Variants in TTYH2 observed in about 807,000 individuals in gnomAD.
TTYH2 encodes protein tweety homolog 2.
In TTYH2, 49 loss-of-function variants were observed where a neutral mutation model predicts 68.3. The ratio of observed to expected loss-of-function variants is 0.72; its 90% CI spans 0.57 to 0.91. The LOEUF is 0.91. Ranked by LOEUF, TTYH2 falls within the 40% of genes least tolerant of loss-of-function variation. The pLI is 0.00. For missense variants in TTYH2, 631 were observed against 700.4 expected, an observed-to-expected ratio of 0.90 and a Z score of 1.12; for synonymous variants, 272 against 300.8, an observed-to-expected ratio of 0.90 and a Z score of 0.99.
chr17:74,238,938 T>G (rs2050471812), intron 4 of TTYH2, among the ~76,000 whole-genome samples: 1 of 151,926 alleles, frequency 6.6e-6, no homozygotes, highest in African/African-American at 2.4e-5. Flanking sequence ...CTCAAACTCC[T>G]GGCCTCAAGC....
rs549137952 is a variant in TTYH2 at position 74,213,947 on chromosome 17, A to G, written c.129+231A>G. Among the ~76,000 whole-genome samples the G allele has an allele frequency of 1.3e-5, 2 of 152,044 alleles. No individual in the cohort carries two copies. Among genetic ancestry groups the G allele is most frequent in the East Asian group, 3.9e-4 (2 of 5,106 alleles). On this transcript the variant is annotated intron_variant, in intron 1 of 13. Transcript: ENST00000269346. This position sits in a 1 kb window ranked among gnomAD's most constrained non-coding sequence, Gnocchi z 6.1. Reference sequence around the variant, plus strand: ...GGGAAAACTGAAGAGATCAGAGTGAAGCGAGCGTGGGGAAGGGGAGGAAGG... The same window carrying G: ...GGGAAAACTGAAGAGATCAGAGTGAGGCGAGCGTGGGGAAGGGGAGGAAGG...
At position 74,214,635 on chromosome 17, in the gene TTYH2, C is replaced by A. The variant is rs1395721941; in HGVS notation, c.129+919C>A. On this transcript the variant is annotated intron_variant, in intron 1 of 13. Transcript: ENST00000269346. This position sits in a 1 kb window ranked among gnomAD's most constrained non-coding sequence, Gnocchi z 4.6. Reference sequence around the variant, plus strand: ...CAGACAAACAAAGCTGCAGAATCTCCCAGCCCGTCTCAGGTCTGGTCACGC... The same window carrying A: ...CAGACAAACAAAGCTGCAGAATCTCACAGCCCGTCTCAGGTCTGGTCACGC... Among the ~76,000 whole-genome samples the A allele has an allele frequency of 6.6e-6, 1 of 152,184 alleles. No homozygotes were observed. The highest frequency in any genetic ancestry group is 1.5e-5 in the Non-Finnish European group (1 of 68,040).
At chr17:74,223,660 T>C (rs1286055080) in intron 2 of TTYH2, among the ~76,000 whole-genome samples, 1 of 152,168 alleles carries the variant, frequency 6.6e-6, no homozygotes, top group East Asian at 1.9e-4. Context: ...GTTTTTCTTG[T>C]TTTTAAATCT....
chr17:74,227,762 T>TTTTTTTTTTTG (rs1567812278), intron 2 of TTYH2, among the ~76,000 whole-genome samples: 2,550 of 125,734 alleles, frequency 0.02, 26 homozygotes, highest in African/African-American at 0.052. Flanking sequence ...TTTTTTTTTG[T>TTTTTTTTTTTG]TTTTTTTTTA....
rs148832046 is a variant in TTYH2, at chr17:74,252,338, C to G, written c.1221C>G (p.Ile407Met). Residue 407 changes from isoleucine to methionine, a missense_variant, in exon 11 of 14, where the codon ATC becomes ATG. Transcript: ENST00000269346. ...CCGCCCTCGCCTTCTCCACCATGAT[C>G]TGTGCAGGGCCAAGGGCCTGGAAGC... ...FLAALAFSTM[I>M]CAGPRAWKHF... 3.1e-6 allele frequency: 5 copies of G among 1,613,836 alleles called. No homozygotes were observed. In the African/African-American group the frequency reaches 4.0e-5, roughly 13 times the overall value.
At chr17:74,245,181 G>A (rs2143763887) in intron 6 of TTYH2, among the ~76,000 whole-genome samples, 1 of 152,364 alleles carries the variant, frequency 6.6e-6, no homozygotes, top group South Asian at 2.1e-4. Flanking sequence ...AGAGGCTTGT[G>A]CAGAAGGGAG....
chr17:74,213,854 TC>T lies in TTYH2; in HGVS notation c.129+139del. The T allele has an allele frequency of 1.7e-6, 2 of 1,143,370 alleles. No individual in the cohort carries two copies. The highest frequency in any genetic ancestry group is 3.1e-5 in the South Asian group (2 of 63,520). The allele number at this position is 1,143,370 out of a possible 1,614,324, so 70.8% of individuals were successfully genotyped here. A position where few individuals can be genotyped will look rare whatever the true frequency, so the allele number is the denominator to read the frequency against. ...CCGCGCAGCCCTTTCCCGTCTCCCC[TC>T]TCCCCTTTTCCCCCACCCTCCCAGG... On this transcript the variant is annotated intron_variant, in intron 1 of 13. Coordinates refer to ENST00000269346, the MANE Select transcript of TTYH2 (RefSeq NM_032646.6). The surrounding 1 kb of genome is among the most constrained non-coding windows in gnomAD (Gnocchi z 6.1).
At chr17:74,219,082 T>C (rs1222497908) in intron 1 of TTYH2, among the ~76,000 whole-genome samples, 6 of 152,056 alleles carry the variant, frequency 3.9e-5, no homozygotes, top group Non-Finnish European at 7.4e-5. Context: ...CTGAGCATGG[T>C]GGCACATGCC....
chr17:74,259,039 C>T (rs1282015874), intron 13 of TTYH2, among the ~76,000 whole-genome samples: 1 of 152,018 alleles, frequency 6.6e-6, no homozygotes, highest in Admixed American at 6.6e-5. Flanking sequence ...AGCCTGTGTG[C>T]AGGGTATAGA....
intron 11 of TTYH2, 117 bp from the exon 12 acceptor site, chr17:74,252,961 CAAG>C: frequency 9.4e-7 from 1 of 1,067,030 alleles, no homozygotes; most frequent in South Asian, 1.4e-5. Context: ...AGAGGAGTCT[CAAG>C]GAGACACGCG....
At chr17:74,228,554 G>A (rs1310715321) in intron 2 of TTYH2, among the ~76,000 whole-genome samples, 1 of 152,212 alleles carries the variant, frequency 6.6e-6, no homozygotes, top group Non-Finnish European at 1.5e-5. Context: ...AACTAGATGA[G>A]ATTTCACAGG....
intron 5 of TTYH2, 33 bp from the exon 6 acceptor site, chr17:74,243,944 G>A (rs535889583): frequency 3.2e-5 from 52 of 1,604,692 alleles, no homozygotes; most frequent in African/African-American, 2.5e-4. Flanking sequence ...AGGGGACCCC[G>A]CCTGCCAACG....
At position 74,260,129 on chromosome 17, in the gene TTYH2, T is replaced by C. The variant is rs1372289236; in HGVS notation, c.1525T>C (p.Tyr509His). The stretch of plus-strand genomic sequence containing the variant: ...CATCCCCTCTCTTCTCTCTTGGCAG[T>C]ACTCTCCCAGCATGAGAGCCACCTA... ...LIGRASPPPTYSPSMRATYLS... is the reference protein window; with the variant it reads ...LIGRASPPPTHSPSMRATYLS... The change falls in exon 14 of 14, where the codon TAC becomes CAC. Residue 509 changes from tyrosine to histidine, a missense_variant and splice_region_variant. By Grantham distance (83) the Tyr-to-His change is moderately conservative. Transcript: ENST00000269346. 6.2e-7 allele frequency: 1 copy of C among 1,613,492 alleles called. No homozygotes were observed. The highest frequency in any genetic ancestry group is 8.5e-7 in the Non-Finnish European group (1 of 1,179,688).
At chr17:74,252,104 C>T (rs1028097950) in intron 10 of TTYH2, 130 bp from the exon 11 acceptor site, 17 of 1,196,558 alleles carry the variant, frequency 1.4e-5, no homozygotes, top group East Asian at 1.2e-4. Flanking sequence ...TGCTGCAAGG[C>T]GCTCGGGATG....
At chr17:74,237,602 A>G in intron 4 of TTYH2, 88 bp downstream of exon 4, 2 of 1,175,758 alleles carry the variant, frequency 1.7e-6, no homozygotes, top group Non-Finnish European at 1.2e-6. Context: ...CTCCAGGTGG[A>G]GAAGGGCCAC....
At position 74,213,672 on chromosome 17, in the gene TTYH2, C is replaced by A. The variant is rs2050193229; in HGVS notation, c.85C>A (p.Pro29Thr). The stretch of plus-strand genomic sequence containing the variant: ...CCCGCACGTCGGCCTGCGCCTGCAG[C>A]CCGTGAACAGCACCTTCAGCCCCGG... ...SVPHVGLRLQ[P>T]VNSTFSPGDE... Residue 29 changes from proline to threonine, a missense_variant, in exon 1 of 14, where the codon CCC becomes ACC. Coordinates refer to ENST00000269346, the MANE Select transcript of TTYH2 (RefSeq NM_032646.6). The surrounding 1 kb of genome is among the most constrained non-coding windows in gnomAD (Gnocchi z 6.1). The A allele has an allele frequency of 6.2e-7, 1 of 1,612,694 alleles. No individual in the cohort carries two copies.
At chr17:74,252,627 C>T (rs1467941964) in intron 11 of TTYH2, among the ~76,000 whole-genome samples, 1 of 152,238 alleles carries the variant, frequency 6.6e-6, no homozygotes, top group Non-Finnish European at 1.5e-5. Flanking sequence ...GCCCTCAGGC[C>T]ACAGTCTGGC....
At chr17:74,252,471 C>T in intron 11 of TTYH2, 95 bp downstream of exon 11, 1 of 1,449,636 alleles carries the variant, frequency 6.9e-7, no homozygotes, top group Non-Finnish European at 9.2e-7. Context: ...GCTGATAACC[C>T]AGGACTGAGG....
In TTYH2 at chr17:74,213,846, G is replaced by GTCTCCCC; in HGVS notation, c.129+139_129+145dup. The GTCTCCCC allele has an allele frequency of 8.3e-7, 1 of 1,208,036 alleles. No homozygotes were observed. Among genetic ancestry groups the GTCTCCCC allele is most frequent in the Non-Finnish European group, 1.1e-6 (1 of 873,092 alleles). The allele number at this position is 1,208,036 out of a possible 1,614,324, so 74.8% of individuals were successfully genotyped here. On this transcript the variant is annotated intron_variant, in intron 1 of 13. Transcript: ENST00000269346. The surrounding 1 kb of genome is among the most constrained non-coding windows in gnomAD (Gnocchi z 6.1). Reference sequence around the variant, plus strand: ...TTCTCTCCCCGCGCAGCCCTTTCCCGTCTCCCCTCTCCCCTTTTCCCCCAC... The same window carrying GTCTCCCC: ...TTCTCTCCCCGCGCAGCCCTTTCCCGTCTCCCCTCTCCCCTCTCCCCTTTTCCCCCAC...
Sources: gnomAD v4.1 joint callset for allele counts (sites outside exome capture counted in the v4.1 genomes callset) on GRCh38, gnomAD v4.1.1 for gene constraint, Gnocchi (gnomAD v3.1) non-coding constraint, MANE v1.5 for transcripts, NCBI Gene and HGNC (gene_info 2026-07-23, HGNC 2026-07-21) for gene names.